HSD17B7: variants seen among roughly 807,000 people sequenced by gnomAD.
HSD17B7 encodes the protein hydroxysteroid 17-beta dehydrogenase 7.
A neutral mutation model predicts 34.1 loss-of-function variants in HSD17B7; 17 were observed. That is an observed-to-expected ratio of 0.50 (90% CI 0.34 to 0.75). HSD17B7 has a LOEUF of 0.75. Among genes scored for constraint, HSD17B7 ranks in the 30% least tolerant of loss-of-function variants. The probability of loss-of-function intolerance (pLI) is 0.01; values close to 1 mark genes in which losing one functional copy is unlikely to be tolerated. For missense variants in HSD17B7, 296 were observed against 406.6 expected, an observed-to-expected ratio of 0.73 and a Z score of 2.34; for synonymous variants, 122 against 154.6, an observed-to-expected ratio of 0.79 and a Z score of 1.56.
chr1:162,795,363 A>T (rs986961244), intron 2 of HSD17B7, among the ~76,000 whole-genome samples: 1 of 152,220 alleles, frequency 6.6e-6, no homozygotes, highest in East Asian at 1.9e-4. Flanking sequence ...CAATGTATCA[A>T]TTATTTTATT....
Position 162,812,636 on chromosome 1 carries a change from C to T in HSD17B7, c.*216C>T, listed in dbSNP as rs1649202572. ...GAGGTTGCAGTGAGCTGAGATTGTG[C>T]CACTGCACTCCAGCCTGGGTGACAG... On this transcript the variant is annotated 3_prime_UTR_variant, in exon 9 of 9. Coordinates refer to ENST00000254521, the MANE Select transcript of HSD17B7 (RefSeq NM_016371.4). The T allele has an allele frequency of 2.8e-6, 1 of 354,838 alleles. No individual in the cohort carries two copies. Among genetic ancestry groups the T allele is most frequent in the Non-Finnish European group, 5.1e-6 (1 of 197,644 alleles). 22.0% of individuals were successfully genotyped at this position (354,838 alleles called of 1,614,324 possible). A position where few individuals can be genotyped will look rare whatever the true frequency, so the allele number is the denominator to read the frequency against.
intron 2 of HSD17B7, among the ~76,000 whole-genome samples, chr1:162,793,703 C>G (rs1303812328): frequency 6.6e-6 from 1 of 152,196 alleles, no homozygotes; most frequent in South Asian, 2.1e-4. Flanking sequence ...CATTTGAATT[C>G]ATTTTTTACA....
chr1:162,794,338 A>G (rs916834784), intron 2 of HSD17B7, among the ~76,000 whole-genome samples: 42 of 152,120 alleles, frequency 2.8e-4, no homozygotes, highest in Admixed American at 9.8e-4. Context: ...CCTGTTCCAA[A>G]TGCACAAGTT....
At chr1:162,801,301 G>A (rs931110828) in intron 5 of HSD17B7, among the ~76,000 whole-genome samples, 3 of 152,136 alleles carry the variant, frequency 2.0e-5, no homozygotes, top group African/African-American at 4.8e-5. Context: ...GAAGCTAAGA[G>A]CATACTTTCG....
At chr1:162,797,659 G>A in intron 3 of HSD17B7, 143 bp from the exon 4 acceptor site, 1 of 1,341,584 alleles carries the variant, frequency 7.5e-7, no homozygotes, top group Non-Finnish European at 1.0e-6. Context: ...AACCCAGTCT[G>A]AGAAATAGGT....
intron 8 of HSD17B7, among the ~76,000 whole-genome samples, chr1:162,806,556 G>A (rs1648986269): frequency 6.6e-6 from 1 of 152,218 alleles, no homozygotes; most frequent in Admixed American, 6.5e-5. Context: ...GCTGTGAGAA[G>A]TTGAAACAGT....
chr1:162,800,988 C>CT (rs995700646), intron 5 of HSD17B7, among the ~76,000 whole-genome samples: 17 of 151,156 alleles, frequency 1.1e-4, no homozygotes, highest in African/African-American at 2.4e-4. Flanking sequence ...TGATGCCCCC[C>CT]TTTTTTTTTG....
chr1:162,792,869 C>A lies in HSD17B7; in HGVS notation c.239+7C>A, dbSNP rs778070364. On this transcript the variant is annotated splice_region_variant and intron_variant, in intron 2 of 8. Coordinates refer to ENST00000254521, the MANE Select transcript of HSD17B7 (RefSeq NM_016371.4). ...CCAAGGAACTTAAGCAAAGGTATATCTCTTGCTGATGGATTTTTTTTCTCA... is the reference window on the plus strand; with the variant it reads ...CCAAGGAACTTAAGCAAAGGTATATATCTTGCTGATGGATTTTTTTTCTCA... The A allele has an allele frequency of 1.9e-6, 3 of 1,613,760 alleles. No individual in the cohort carries two copies. The Admixed American group carries it at 5.0e-5, about 27-fold the overall frequency.
Position 162,799,818 on chromosome 1 carries a change from A to G in HSD17B7, c.523A>G (p.Arg175Gly). 1 of 1,614,016 alleles carries G rather than the reference A, an allele frequency of 6.2e-7. No homozygotes were observed. Among genetic ancestry groups the G allele is most frequent in the Non-Finnish European group, 8.5e-7 (1 of 1,179,974 alleles). The part of the protein sequence containing the change: ...QLIWTSSRSA[R>G]KSNFSLEDFQ... ...CATCTGGACATCATCTCGCAGTGCA[A>G]GGAAATCTAATTTCAGCCTCGAGGA... The change falls in exon 5 of 9, where the codon AGG (arginine) becomes GGG (glycine). Residue 175 changes from arginine to glycine, a missense_variant. Transcript: ENST00000254521.
chr1:162,802,125 C>T (rs996980343), intron 5 of HSD17B7, among the ~76,000 whole-genome samples: 4 of 152,122 alleles, frequency 2.6e-5, no homozygotes, highest in Non-Finnish European at 5.9e-5. Context: ...CATGCATGCT[C>T]CCCCACTCAA....
chr1:162,808,906 AT>A (rs1649079776), intron 8 of HSD17B7, among the ~76,000 whole-genome samples: 1 of 152,154 alleles, frequency 6.6e-6, no homozygotes, highest in Non-Finnish European at 1.5e-5. Context: ...CAATCATGTA[AT>A]TTGCAAACAG....
intron 8 of HSD17B7, among the ~76,000 whole-genome samples, chr1:162,805,804 G>A (rs556264047): frequency 9.9e-5 from 15 of 152,242 alleles, no homozygotes; most frequent in Admixed American, 6.5e-5. Context: ...TTGACATCTC[G>A]TACCTGTTGC....
chr1:162,800,141 C>G, intron 5 of HSD17B7: 2 of 701,236 alleles, frequency 2.9e-6, no homozygotes, highest in Non-Finnish European at 5.3e-6. Context: ...TTCAGGAATT[C>G]TAACTTATGT....
chr1:162,809,123 A>T (rs1649089212), intron 8 of HSD17B7, among the ~76,000 whole-genome samples: 1 of 152,192 alleles, frequency 6.6e-6, no homozygotes. Context: ...AATAGCTCTT[A>T]TTATTTTGAG....
Position 162,790,797 on chromosome 1 carries a change from G to C in HSD17B7, c.-4G>C, listed in dbSNP as rs369084131. Reference sequence around the variant, plus strand: ...TCACTGCTTGGAAGTGTGAGTGCGCGAAGATGCGAAAGGTGGTTTTGATCA... The same window carrying C: ...TCACTGCTTGGAAGTGTGAGTGCGCCAAGATGCGAAAGGTGGTTTTGATCA... On this transcript the variant is annotated 5_prime_UTR_variant, in exon 1 of 9. Coordinates refer to ENST00000254521, the MANE Select transcript of HSD17B7 (RefSeq NM_016371.4). 780 of 1,612,462 alleles carry C rather than the reference G, an allele frequency of 4.8e-4. 3 individuals are homozygous for C. In the African/African-American group the frequency reaches 9.5e-3, roughly 20 times the overall value.
intron 8 of HSD17B7, among the ~76,000 whole-genome samples, chr1:162,809,155 T>C (rs1487124671): frequency 2.0e-5 from 3 of 152,228 alleles, no homozygotes; most frequent in Admixed American, 2.0e-4. Context: ...CAATACCTAA[T>C]TTATTGAGAG....
chr1:162,797,485 A>C (rs1648657251), intron 3 of HSD17B7: 1 of 224,010 alleles, frequency 4.5e-6, no homozygotes, highest in African/African-American at 2.3e-5. Flanking sequence ...TTATTCCTTT[A>C]GAACAGTTTA....
intron 8 of HSD17B7, among the ~76,000 whole-genome samples, chr1:162,811,262 T>C (rs1260816708): frequency 6.6e-6 from 1 of 152,228 alleles, no homozygotes; most frequent in Non-Finnish European, 1.5e-5. Context: ...TCTTTAAGAA[T>C]GTTGAATATC....
chr1:162,799,615 T>C, intron 4 of HSD17B7, 128 bp from the exon 5 acceptor site: 1 of 616,220 alleles, frequency 1.6e-6, no homozygotes, highest in Non-Finnish European at 2.9e-6. Flanking sequence ...AATTCATGTC[T>C]CTTTTAGATA....
Sources: gnomAD v4.1 joint callset for allele counts (sites outside exome capture counted in the v4.1 genomes callset) on GRCh38, gnomAD v4.1.1 for gene constraint, MANE v1.5 for transcripts, NCBI Gene and HGNC (gene_info 2026-07-23, HGNC 2026-07-21) for gene names.